The following NCAM1 variants were observed in gnomAD, a reference collection of about 807,000 sequenced individuals.
NCAM1 encodes the protein antigen recognized by monoclonal antibody 5.1H11.
In NCAM1, 14 loss-of-function variants were observed where a neutral mutation model predicts 109.8. That is an observed-to-expected ratio of 0.13 (90% CI 0.08 to 0.20). The LOEUF is 0.20. Ranked by LOEUF, NCAM1 falls within the 10% of genes least tolerant of loss-of-function variation. The pLI, the probability that NCAM1 is intolerant of heterozygous loss-of-function variation, is 1.00. For synonymous variants in NCAM1, 418 were observed against 442.9 expected (o/e 0.94, Z 0.70); for missense variants, 774 against 1,109.9 (o/e 0.70, Z 4.30).
chr11:113,227,935 A>G (rs1453992955), intron 9 of NCAM1, among the ~76,000 whole-genome samples: 1 of 152,190 alleles, frequency 6.6e-6, no homozygotes, highest in Non-Finnish European at 1.5e-5. Flanking sequence ...ACATATCTCA[A>G]AATAATGGGA....
chr11:113,036,376 C>T (rs1271922839), intron 1 of NCAM1, among the ~76,000 whole-genome samples: 1 of 152,000 alleles, frequency 6.6e-6, no homozygotes, highest in Non-Finnish European at 1.5e-5. Flanking sequence ...TCAGCTTTCC[C>T]TTCTCTCTGG....
intron 1 of NCAM1, among the ~76,000 whole-genome samples, chr11:113,161,321 T>G (rs1591376584): frequency 6.6e-6 from 1 of 152,326 alleles, no homozygotes; most frequent in East Asian, 1.9e-4. Flanking sequence ...TCCTTACATC[T>G]ACATAGTATT....
intron 1 of NCAM1, among the ~76,000 whole-genome samples, chr11:113,038,403 A>T (rs1249444020): frequency 6.6e-6 from 1 of 152,230 alleles, no homozygotes; most frequent in Non-Finnish European, 1.5e-5. Context: ...GGACTCTCCC[A>T]TCTCTGAGAG....
intron 9 of NCAM1, 86 bp from the exon 10 acceptor site, chr11:113,231,559 C>A: frequency 7.4e-7 from 1 of 1,359,334 alleles, no homozygotes; most frequent in Non-Finnish European, 1.0e-6. Flanking sequence ...ATGGCCTAGT[C>A]TCCCAGCCCC....
intron 1 of NCAM1, among the ~76,000 whole-genome samples, chr11:113,135,027 A>G (rs1273003468): frequency 6.6e-6 from 1 of 152,122 alleles, no homozygotes; most frequent in Admixed American, 6.6e-5. Context: ...CTTACCCGTC[A>G]TTGAGTTGAG....
chr11:113,236,397 C>CT, intron 14 of NCAM1: 2 of 1,473,476 alleles, frequency 1.4e-6, no homozygotes, highest in East Asian at 2.3e-5. Context: ...GTTCTGGTCC[C>CT]TTTTTTGTCC....
chr11:113,081,364 C>T (rs907637368), intron 1 of NCAM1, among the ~76,000 whole-genome samples: 1 of 152,050 alleles, frequency 6.6e-6, no homozygotes, highest in Non-Finnish European at 1.5e-5. Context: ...CGGTGCTTGC[C>T]GGTCCTGGAG....
intron 1 of NCAM1, among the ~76,000 whole-genome samples, chr11:113,103,752 G>A (rs1432987451): frequency 1.3e-5 from 2 of 152,072 alleles, no homozygotes; most frequent in African/African-American, 4.8e-5. Context: ...AGGCCATATG[G>A]TCTCTGCCAC....
intron 1 of NCAM1, among the ~76,000 whole-genome samples, chr11:112,972,661 A>G (rs1180365813): frequency 7.2e-5 from 11 of 152,188 alleles, no homozygotes; most frequent in African/African-American, 2.2e-4. Context: ...CAAATAGTGC[A>G]GTAAAAACAA....
intron 7 of NCAM1, among the ~76,000 whole-genome samples, chr11:113,211,172 C>A (rs952067534): frequency 1.9e-4 from 29 of 152,322 alleles, no homozygotes; most frequent in African/African-American, 6.5e-4. Context: ...TCTCCTTCCA[C>A]TCTTTTATTT....
chr11:113,008,933 G>A (rs1565379227), intron 1 of NCAM1, among the ~76,000 whole-genome samples: 1 of 152,182 alleles, frequency 6.6e-6, no homozygotes, highest in Non-Finnish European at 1.5e-5. Flanking sequence ...CAGAATGGAA[G>A]ACCAAGGAAA....
chr11:113,070,828 G>A (rs1938229291), intron 1 of NCAM1, among the ~76,000 whole-genome samples: 1 of 152,122 alleles, frequency 6.6e-6, no homozygotes, highest in Non-Finnish European at 1.5e-5. Flanking sequence ...TGCTTGAGAA[G>A]GTGGTAAAAA....
intron 1 of NCAM1, among the ~76,000 whole-genome samples, chr11:112,987,080 T>G (rs1321661693): frequency 6.6e-6 from 1 of 152,154 alleles, no homozygotes; most frequent in African/African-American, 2.4e-5. Flanking sequence ...CTATAAGATT[T>G]GGTAAGTTGT....
chr11:113,264,131 T>C (rs1946081438), intron 17 of NCAM1: 1 of 985,294 alleles, frequency 1.0e-6, no homozygotes, highest in African/African-American at 1.7e-5. Context: ...TTCTACTGAA[T>C]AAAAACTCCC....
intron 1 of NCAM1, among the ~76,000 whole-genome samples, chr11:113,155,520 C>A (rs1385299893): frequency 2.7e-5 from 4 of 149,772 alleles, no homozygotes; most frequent in South Asian, 2.1e-4. Flanking sequence ...AAAAAAAAAA[C>A]AAAAAACAAA....
At chr11:113,223,483 A>G (rs1424785623) in intron 9 of NCAM1, among the ~76,000 whole-genome samples, 1 of 152,174 alleles carries the variant, frequency 6.6e-6, no homozygotes, top group Non-Finnish European at 1.5e-5. Context: ...TGTTCACGCA[A>G]CTGTTTTCTA....
intron 9 of NCAM1, chr11:113,221,618 T>G: frequency 3.3e-6 from 1 of 305,390 alleles, no homozygotes; most frequent in Non-Finnish European, 6.1e-6. Context: ...TTGCCCCCAA[T>G]TCCCAGGCCA....
rs536394830 is a variant in NCAM1, at chr11:113,220,560, A to G, written c.1060-736A>G. On this transcript the variant is annotated intron_variant, in intron 8 of 19. Coordinates refer to ENST00000316851, the MANE Select transcript of NCAM1 (RefSeq NM_181351.5). ...TAGTATATCTATGATAAGCTGCCTT[A>G]TAAAATCCAAAGAAGGAGACCTATT... Among the ~76,000 whole-genome samples, 3 of 150,344 alleles carry G rather than the reference A, an allele frequency of 2.0e-5. No homozygotes were observed. In the South Asian group the frequency reaches 6.3e-4, roughly 32 times the overall value.
At chr11:113,181,704 G>A (rs1943339434) in intron 1 of NCAM1, among the ~76,000 whole-genome samples, 1 of 152,136 alleles carries the variant, frequency 6.6e-6, no homozygotes, top group Non-Finnish European at 1.5e-5. Flanking sequence ...AAAAGAGGGG[G>A]TGGTTACTAT....
Sources: gnomAD v4.1 joint callset for allele counts (sites outside exome capture counted in the v4.1 genomes callset) on GRCh38, gnomAD v4.1.1 for gene constraint, MANE v1.5 for transcripts, NCBI Gene and HGNC (gene_info 2026-07-23, HGNC 2026-07-21) for gene names.